DAAM2: variants seen among roughly 807,000 people sequenced by gnomAD.
DAAM2 encodes the protein disheveled-associated activator of morphogenesis 2.
Under a neutral mutation model 120.7 loss-of-function variants are expected in DAAM2, and 39 were observed. The observed-to-expected ratio is 0.32, with a 90% CI of 0.25 to 0.42. The LOEUF (loss-of-function observed/expected upper bound fraction) is 0.42, where lower values mean the gene tolerates loss of function less well. DAAM2 is among the 10% of genes least tolerant of loss of function. DAAM2 has a pLI of 1.00. For missense variants in DAAM2, 1,283 were observed against 1,401.7 expected (o/e 0.92, Z 1.35); for synonymous variants, 488 against 524.9 (o/e 0.93, Z 0.96).
At chr6:39,884,407 G>A (rs1582735382) in intron 15 of DAAM2, 4 of 218,570 alleles carry the variant, frequency 1.8e-5, no homozygotes. Context: ...GAGCATCGGA[G>A]GTAGAGTCGC....
At chr6:39,896,725 C>T in intron 19 of DAAM2, 87 bp from the exon 20 acceptor site, 1 of 1,237,060 alleles carries the variant, frequency 8.1e-7, no homozygotes, top group Non-Finnish European at 1.1e-6. Context: ...CTTTTCTGAA[C>T]TTTGCGGTGG....
chr6:39,818,912 G>A (rs547321304), intron 1 of DAAM2: 27 of 152,302 alleles, frequency 1.8e-4, no homozygotes, highest in Admixed American at 1.4e-3. Context: ...GTGGGGTTGA[G>A]CAATGTGATT....
intron 15 of DAAM2, chr6:39,884,537 G>A (rs1765283710): frequency 6.4e-6 from 1 of 157,426 alleles, no homozygotes; most frequent in Admixed American, 6.1e-5. Flanking sequence ...ACACCTCTAT[G>A]AGACCGAGCA....
chr6:39,858,901 C>T (rs945981490), intron 2 of DAAM2, among the ~76,000 whole-genome samples: 16 of 152,034 alleles, frequency 1.1e-4, no homozygotes, highest in East Asian at 1.9e-4. Context: ...AGGAAGCCCA[C>T]GCAGGAACAT....
At chr6:39,800,948 C>T (rs1378338998) in intron 1 of DAAM2, among the ~76,000 whole-genome samples, 1 of 152,118 alleles carries the variant, frequency 6.6e-6, no homozygotes, top group Non-Finnish European at 1.5e-5. Flanking sequence ...AGTCTGCATC[C>T]CAAGAAGAAA....
intron 1 of DAAM2, among the ~76,000 whole-genome samples, chr6:39,814,097 A>G (rs1353156930): frequency 6.6e-6 from 1 of 152,172 alleles, no homozygotes; most frequent in East Asian, 1.9e-4. Context: ...ATGGCTTTGA[A>G]TGAGGGCCAA....
chr6:39,850,179 A>G (rs1763753321), intron 1 of DAAM2, among the ~76,000 whole-genome samples: 1 of 152,160 alleles, frequency 6.6e-6, no homozygotes, highest in Non-Finnish European at 1.5e-5. Flanking sequence ...GGATGAAGCC[A>G]CTGGTCAGGA....
At chr6:39,839,742 C>T (rs994691352) in intron 1 of DAAM2, among the ~76,000 whole-genome samples, 2 of 152,258 alleles carry the variant, frequency 1.3e-5, no homozygotes, top group Admixed American at 6.5e-5. Flanking sequence ...GGAGGCTCTG[C>T]ACAGCCAGCC....
chr6:39,857,117 G>T (rs1268976282), intron 2 of DAAM2, among the ~76,000 whole-genome samples: 1 of 152,238 alleles, frequency 6.6e-6, no homozygotes, highest in Admixed American at 6.5e-5. Flanking sequence ...AAGCCCGTGT[G>T]TGTGCAGCTT....
Position 39,904,265 on chromosome 6 carries a change from AAAAG to A in DAAM2, c.*2234_*2237del, listed in dbSNP as rs761346274. On this transcript the variant is annotated 3_prime_UTR_variant, in exon 25 of 25. Coordinates refer to ENST00000274867, the MANE Select transcript of DAAM2 (RefSeq NM_001201427.2). Reference sequence around the variant, plus strand: ...TTCCAGAGCTCAGCCTTCTCACTCTAAAAGAAAGATATTTTTCTATTTATTTTCT... The same window carrying A: ...TTCCAGAGCTCAGCCTTCTCACTCTAAAAGATATTTTTCTATTTATTTTCT... 1.8e-4 allele frequency: 84 copies of A among 456,646 alleles called. 3 individuals carry two copies. Among genetic ancestry groups the A allele is most frequent in the South Asian group, 7.4e-4 (48 of 64,576 alleles). The allele number at this position is 456,646 out of a possible 1,614,324, so 28.3% of individuals were successfully genotyped here. A position where few individuals can be genotyped will look rare whatever the true frequency, so the allele number is the denominator to read the frequency against.
chr6:39,903,397 G>T lies in DAAM2; in HGVS notation c.*1360G>T, dbSNP rs1766599164. 1 of 152,262 alleles carries T rather than the reference G, an allele frequency of 6.6e-6. No homozygotes were observed. Among genetic ancestry groups the T allele is most frequent in the Admixed American group, 6.5e-5 (1 of 15,286 alleles). 9.4% of individuals were successfully genotyped at this position (152,262 alleles called of 1,614,324 possible). ...GGTTCTTCAGCCCAACTTGCAAGGG[G>T]TTCCTTCTGGTCCTCCCATCCACTG... On this transcript the variant is annotated 3_prime_UTR_variant, in exon 25 of 25. Coordinates refer to ENST00000274867, the MANE Select transcript of DAAM2 (RefSeq NM_001201427.2).
At position 39,901,104 on chromosome 6, in the gene DAAM2, T is replaced by C. The variant is rs182233667; in HGVS notation, c.2812-198T>C. 6.6e-6 allele frequency among the ~76,000 whole-genome samples: 1 copy of C among 152,180 alleles called. No homozygotes were observed. The highest frequency in any genetic ancestry group is 1.5e-5 in the Non-Finnish European group (1 of 68,002). ...GGTGGACTGAGTGAGCCCAACTCTT[T>C]ACCTGCCTCTCCTTAGCCTTGTCTC... On this transcript the variant is annotated intron_variant, in intron 23 of 24. Coordinates refer to ENST00000274867, the MANE Select transcript of DAAM2 (RefSeq NM_001201427.2). This position sits in a 1 kb window ranked among gnomAD's most constrained non-coding sequence, Gnocchi z 4.5.
rs774147836 is a variant in DAAM2, at chr6:39,902,051, C to CCACACAGGAGGCCGG, written c.*15_*29dup. The CCACACAGGAGGCCGG allele has an allele frequency of 1.3e-5, 21 of 1,585,620 alleles. 1 individual carries two copies. The Middle Eastern group carries it at 3.2e-3, about 242-fold the overall frequency. ...CTAAATTATTGACCTGGGGAACTAGCCACACAGGAGGCCGGGAGACAGGGA... is the reference window on the plus strand; with the variant it reads ...CTAAATTATTGACCTGGGGAACTAGCCACACAGGAGGCCGGCACACAGGAGGCCGGGAGACAGGGA... On this transcript the variant is annotated 3_prime_UTR_variant, in exon 25 of 25. Transcript: ENST00000274867.
intron 1 of DAAM2, among the ~76,000 whole-genome samples, chr6:39,841,241 GA>G (rs1439758753): frequency 9.4e-6 from 1 of 106,572 alleles, no homozygotes; most frequent in Non-Finnish European, 1.8e-5. Context: ...GTTCCAGGGG[GA>G]GGGGCGCTGG....
chr6:39,813,023 A>C (rs1210050186), intron 1 of DAAM2, among the ~76,000 whole-genome samples: 1 of 150,448 alleles, frequency 6.6e-6, no homozygotes, highest in Non-Finnish European at 1.5e-5. Context: ...TCTCCCTGAC[A>C]CCTCCCCTCC....
intron 3 of DAAM2, chr6:39,861,772 C>A (rs573336008): frequency 6.5e-6 from 1 of 154,530 alleles, no homozygotes; most frequent in East Asian, 1.9e-4. Flanking sequence ...AGACTTGAGT[C>A]CCAAGTCTAA....
In DAAM2 at chr6:39,856,024, A is replaced by AG. The variant is rs1384296120; in HGVS notation, c.-56-221dup. The AG allele has an allele frequency of 5.1e-6, 5 of 982,814 alleles. No individual in the cohort carries two copies. The African/African-American group carries it at 8.9e-5, about 17-fold the overall frequency. The allele number at this position is 982,814 out of a possible 1,614,324, so 60.9% of individuals were successfully genotyped here. On this transcript the variant is annotated intron_variant, in intron 1 of 24. Transcript: ENST00000274867. Reference sequence around the variant, plus strand: ...AAGTGTCTTGGCAGATAACACTCAGAGGACATGGTGGGGAGGATATGTAAA... The same window carrying AG: ...AAGTGTCTTGGCAGATAACACTCAGAGGGACATGGTGGGGAGGATATGTAAA...
chr6:39,867,846 G>A lies in DAAM2; in HGVS notation c.762+3G>A. ...CAGCAGAGCGAACCCGCTTCCAGGTGAGGGGCCAGGCTGGAGGTGGGATGC... is the reference window on the plus strand; with the variant it reads ...CAGCAGAGCGAACCCGCTTCCAGGTAAGGGGCCAGGCTGGAGGTGGGATGC... On this transcript the variant is annotated splice_donor_region_variant and intron_variant, in intron 6 of 24. Coordinates refer to ENST00000274867, the MANE Select transcript of DAAM2 (RefSeq NM_001201427.2). 2 of 1,568,164 alleles carry A rather than the reference G, an allele frequency of 1.3e-6. No individual in the cohort carries two copies. The highest frequency in any genetic ancestry group is 1.2e-5 in the South Asian group (1 of 86,678).
chr6:39,860,266 T>A (rs961498194), intron 2 of DAAM2, among the ~76,000 whole-genome samples: 16 of 152,208 alleles, frequency 1.1e-4, no homozygotes, highest in African/African-American at 3.9e-4. Context: ...CTCTTGCTGG[T>A]CCTGCAGTGG....
Sources: gnomAD v4.1 joint callset for allele counts (sites outside exome capture counted in the v4.1 genomes callset) on GRCh38, gnomAD v4.1.1 for gene constraint, Gnocchi (gnomAD v3.1) non-coding constraint, MANE v1.5 for transcripts, NCBI Gene and HGNC (gene_info 2026-07-23, HGNC 2026-07-21) for gene names.